FOXP1: variants seen among roughly 807,000 people sequenced by gnomAD.
FOXP1 encodes the protein forkhead box protein P1.
A neutral mutation model predicts 98.2 loss-of-function variants in FOXP1; 15 were observed. The observed-to-expected ratio is 0.15, with a 90% CI of 0.10 to 0.24. FOXP1 has a LOEUF of 0.24. Among genes scored for constraint, FOXP1 ranks in the 10% least tolerant of loss-of-function variants. The pLI is 1.00. For missense variants in FOXP1, 633 were observed against 848.5 expected, an observed-to-expected ratio of 0.75 and a Z score of 3.15; for synonymous variants, 371 against 314.5, an observed-to-expected ratio of 1.18 and a Z score of -1.90.
intron 3 of FOXP1, among the ~76,000 whole-genome samples, chr3:71,478,490 C>G (rs2090025817): frequency 6.6e-6 from 1 of 152,080 alleles, no homozygotes; most frequent in African/African-American, 2.4e-5. Context: ...GTGTTACCAA[C>G]AAAATATGCT....
intron 2 of FOXP1, among the ~76,000 whole-genome samples, chr3:71,521,520 C>T (rs2042985924): frequency 7.1e-6 from 1 of 140,752 alleles, no homozygotes; most frequent in South Asian, 2.3e-4. Context: ...GAGTGAGACC[C>T]TGTCTCAAAA....
rs1218032528 is a variant in FOXP1 at position 71,352,457 on chromosome 3, C to T, written c.-73+6693G>A. On this transcript the variant is annotated intron_variant, in intron 4 of 20. Coordinates refer to ENST00000649528, the MANE Select transcript of FOXP1 (RefSeq NM_001349338.3). ...TCCAACTTCAGCCTGGGCAACAGAGCGAGACTCCATCTCAAAAAAAAAAAA... is the reference window on the plus strand; with the variant it reads ...TCCAACTTCAGCCTGGGCAACAGAGTGAGACTCCATCTCAAAAAAAAAAAA... 1.5e-4 allele frequency among the ~76,000 whole-genome samples: 16 copies of T among 107,900 alleles called. No individual in the cohort carries two copies. In the East Asian group the frequency reaches 3.7e-3, roughly 25 times the overall value. The allele number at this position is 107,900 out of a possible 152,430, so 70.8% of individuals were successfully genotyped here.
intron 5 of FOXP1, among the ~76,000 whole-genome samples, chr3:71,299,092 G>T (rs1015308948): frequency 6.6e-6 from 1 of 152,120 alleles, no homozygotes; most frequent in African/African-American, 2.4e-5. Flanking sequence ...TATCAGAGAG[G>T]TACTTTTGAA....
At chr3:71,432,264 C>G (rs1437515166) in intron 3 of FOXP1, among the ~76,000 whole-genome samples, 1 of 152,194 alleles carries the variant, frequency 6.6e-6, no homozygotes, top group Non-Finnish European at 1.5e-5. Context: ...AACGGCAGCC[C>G]AGCACAGACG....
chr3:71,030,283 C>T (rs998861335), intron 11 of FOXP1, among the ~76,000 whole-genome samples: 4 of 152,196 alleles, frequency 2.6e-5, no homozygotes, highest in African/African-American at 7.2e-5. Flanking sequence ...TGGTCCATAA[C>T]GCAGCCAAAT....
intron 3 of FOXP1, among the ~76,000 whole-genome samples, chr3:71,383,585 A>T (rs2080340204): frequency 1.3e-5 from 2 of 152,214 alleles, no homozygotes; most frequent in Admixed American, 1.3e-4. Flanking sequence ...TTTTCTATGC[A>T]AAGTAGCTTC....
intron 17 of FOXP1, among the ~76,000 whole-genome samples, chr3:70,976,353 C>A (rs553088324): frequency 7.2e-5 from 11 of 152,200 alleles, no homozygotes; most frequent in Non-Finnish European, 1.5e-4. Context: ...TGTGCCTGGC[C>A]GACAATCTCT....
rs1219856876 is a variant in FOXP1 at position 71,359,163 on chromosome 3, C to G, written c.-86G>C. On this transcript the variant is annotated 5_prime_UTR_variant, in exon 4 of 21. Coordinates refer to ENST00000649528, the MANE Select transcript of FOXP1 (RefSeq NM_001349338.3). ...TCTGTCACTTACCCTGAAATTTTAA[C>G]GTGTCTCACAGCCATAAAAAGCCTG... is the stretch of plus-strand genomic sequence containing the variant. The G allele has an allele frequency of 6.6e-6, 1 of 152,070 alleles. No homozygotes were observed. Among genetic ancestry groups the G allele is most frequent in the Non-Finnish European group, 1.5e-5 (1 of 68,038 alleles). 9.4% of individuals were successfully genotyped at this position (152,070 alleles called of 1,614,324 possible). A position where few individuals can be genotyped will look rare whatever the true frequency, so the allele number is the denominator to read the frequency against.
chr3:71,214,021 G>T (rs2064716838), intron 5 of FOXP1, among the ~76,000 whole-genome samples: 1 of 152,186 alleles, frequency 6.6e-6, no homozygotes, highest in African/African-American at 2.4e-5. Flanking sequence ...TGCAGATATT[G>T]TCCCTACAGT....
chr3:71,153,270 C>A (rs1189729053), intron 6 of FOXP1, among the ~76,000 whole-genome samples: 1 of 152,156 alleles, frequency 6.6e-6, no homozygotes, highest in Admixed American at 6.5e-5. Flanking sequence ...CAGGAATACC[C>A]CAGTGAGATG....
chr3:71,064,907 G>C, intron 7 of FOXP1: 1 of 660,162 alleles, frequency 1.5e-6, no homozygotes, highest in Non-Finnish European at 1.9e-6. Context: ...CGGCGGCCTC[G>C]GCGTGCAGGC....
chr3:70,988,684 C>G (rs2040141192), intron 13 of FOXP1, among the ~76,000 whole-genome samples: 1 of 152,152 alleles, frequency 6.6e-6, no homozygotes, highest in Admixed American at 6.5e-5. Flanking sequence ...ATTTAAGTCT[C>G]CTTATTCTAT....
At chr3:71,268,012 C>T (rs1229135847) in intron 5 of FOXP1, among the ~76,000 whole-genome samples, 4 of 100,722 alleles carry the variant, frequency 4.0e-5, no homozygotes, top group East Asian at 2.9e-4. Context: ...AGCGAGACTC[C>T]GTCTCAAAAA....
At chr3:71,191,075 A>C (rs1449214079) in intron 6 of FOXP1, among the ~76,000 whole-genome samples, 1 of 152,238 alleles carries the variant, frequency 6.6e-6, no homozygotes, top group Non-Finnish European at 1.5e-5. Context: ...TAATCTATGC[A>C]CTACCTAAAA....
chr3:71,396,396 A>G (rs567044017), intron 3 of FOXP1, among the ~76,000 whole-genome samples: 3 of 152,268 alleles, frequency 2.0e-5, no homozygotes, highest in Non-Finnish European at 4.4e-5. Context: ...CAGACACACT[A>G]TTATCATCTC....
At chr3:71,224,951 G>T (rs1373975463) in intron 5 of FOXP1, among the ~76,000 whole-genome samples, 1 of 152,198 alleles carries the variant, frequency 6.6e-6, no homozygotes, top group Non-Finnish European at 1.5e-5. Context: ...TATTTTGAAT[G>T]AGTGAATGAG....
At chr3:71,040,365 C>T (rs1458771009) in intron 11 of FOXP1, 1 of 152,122 alleles carries the variant, frequency 6.6e-6, no homozygotes, top group African/African-American at 2.4e-5. Flanking sequence ...TCACATACTA[C>T]TTTTACGGTT....
intron 2 of FOXP1, among the ~76,000 whole-genome samples, chr3:71,529,751 G>A (rs1202891682): frequency 1.3e-5 from 2 of 152,206 alleles, no homozygotes; most frequent in Admixed American, 1.3e-4. Flanking sequence ...CACCTCCAGA[G>A]AAGGCATGGC....
intron 20 of FOXP1, among the ~76,000 whole-genome samples, chr3:70,960,275 AG>A (rs2033031999): frequency 6.6e-6 from 1 of 152,218 alleles, no homozygotes; most frequent in African/African-American, 2.4e-5. Context: ...CAATATGATA[AG>A]AAAGCAGAGC....
Sources: gnomAD v4.1 joint callset for allele counts (sites outside exome capture counted in the v4.1 genomes callset) on GRCh38, gnomAD v4.1.1 for gene constraint, MANE v1.5 for transcripts, NCBI Gene and HGNC (gene_info 2026-07-23, HGNC 2026-07-21) for gene names.